STYK1: variants seen among roughly 807,000 people sequenced by gnomAD.
STYK1 encodes tyrosine-protein kinase STYK1.
STYK1 carries 46 observed loss-of-function variants against 48.1 expected under a neutral mutation model. That is an observed-to-expected ratio of 0.96 (90% confidence interval 0.75 to 1.22). STYK1 has a LOEUF of 1.22. Among genes scored for constraint, STYK1 ranks in the 50% most tolerant of loss-of-function variants. The pLI is 0.00. For missense variants in STYK1, 527 were observed against 521.1 expected (o/e 1.01, Z -0.11); for synonymous variants, 188 against 189.0 (o/e 0.99, Z 0.04).
chr12:10,663,272 C>G (rs1374383792), intron 1 of STYK1, among the ~76,000 whole-genome samples: 1 of 152,068 alleles, frequency 6.6e-6, no homozygotes, highest in Non-Finnish European at 1.5e-5. Context: ...TGCCACAGCA[C>G]CCAGCCCACA....
intron 1 of STYK1, among the ~76,000 whole-genome samples, chr12:10,637,398 C>T (rs1003371943): frequency 2.7e-4 from 39 of 145,736 alleles, no homozygotes; most frequent in Non-Finnish European, 4.5e-4. Flanking sequence ...AGTGCAGTGG[C>T]GTGATCTCTG....
At chr12:10,657,069 G>A (rs933120410) in intron 1 of STYK1, among the ~76,000 whole-genome samples, 12 of 102 alleles carry the variant, frequency 0.12, no homozygotes, top group East Asian at 0.31. Context: ...GGAAGATACT[G>A]GAAGTGTCCC....
At chr12:10,650,098 G>GGA (rs1215106677) in intron 1 of STYK1, among the ~76,000 whole-genome samples, 12 of 131,164 alleles carry the variant, frequency 9.1e-5, no homozygotes, top group East Asian at 4.4e-4. Flanking sequence ...GGCAACTGAG[G>GGA]GAGAGAGAGA....
intron 10 of STYK1, 74 bp downstream of exon 10, chr12:10,621,802 G>T: frequency 7.0e-7 from 1 of 1,418,626 alleles, no homozygotes; most frequent in Non-Finnish European, 9.9e-7. Context: ...TGAGCCCTTT[G>T]AAAAGGGCAC....
chr12:10,634,576 T>G lies in STYK1; in HGVS notation c.43A>C (p.Lys15Gln). The G allele has an allele frequency of 6.2e-7, 1 of 1,614,098 alleles. No individual in the cohort carries two copies. The highest frequency in any genetic ancestry group is 8.5e-7 in the Non-Finnish European group (1 of 1,179,994). ...RMLLECSLSD[K>Q]LCVIQEKQYE... ...TGGAATCCGTACTTACCACACAACTTGTCACTGAGACTGCATTCCAGGAGC... is the reference window on the plus strand; with the variant it reads ...TGGAATCCGTACTTACCACACAACTGGTCACTGAGACTGCATTCCAGGAGC... Residue 15 changes from lysine (K) to glutamine (Q), a missense_variant, in exon 3 of 11, where the codon AAG becomes CAG. By Grantham distance (53) the Lys-to-Gln change is moderately conservative (BLOSUM62 1). Coordinates refer to ENST00000075503, the MANE Select transcript of STYK1 (RefSeq NM_018423.3).
At position 10,628,604 on chromosome 12, in the gene STYK1, C is replaced by T. The variant is rs553499327; in HGVS notation, c.634-880G>A. On this transcript the variant is annotated intron_variant, in intron 6 of 10. Transcript: ENST00000075503. Reference sequence around the variant, plus strand: ...CCTTTCTCATACACATTCAGTTGTACAATAATCAGCATATGAAGGAGGCTC... The same window carrying T: ...CCTTTCTCATACACATTCAGTTGTATAATAATCAGCATATGAAGGAGGCTC... 4.6e-5 allele frequency among the ~76,000 whole-genome samples: 7 copies of T among 152,124 alleles called. No individual in the cohort carries two copies. In the South Asian group the frequency reaches 1.2e-3, roughly 27 times the overall value.
intron 10 of STYK1, 35 bp from the exon 11 acceptor site, chr12:10,620,383 C>A (rs557407419): frequency 6.2e-7 from 1 of 1,603,098 alleles, no homozygotes; most frequent in South Asian, 1.1e-5. Context: ...ACTTCCTTGA[C>A]AAGGCAAATG....
Position 10,619,762 on chromosome 12 carries a change from C to T in STYK1, c.*382G>A. ...CAACTCTTTTATTGGATTTCTATTC[C>T]TTCATTTCATTCCAAATTTTCATCT... On this transcript the variant is annotated 3_prime_UTR_variant, in exon 11 of 11. Coordinates refer to ENST00000075503, the MANE Select transcript of STYK1 (RefSeq NM_018423.3). The T allele has an allele frequency of 7.8e-6, 3 of 384,556 alleles. No homozygotes were observed. Among genetic ancestry groups the T allele is most frequent in the Non-Finnish European group, 9.2e-6 (2 of 217,042 alleles). 23.8% of individuals were successfully genotyped at this position (384,556 alleles called of 1,614,324 possible). A position where few individuals can be genotyped will look rare whatever the true frequency, so the allele number is the denominator to read the frequency against.
At chr12:10,625,838 A>G (rs1194514090) in intron 7 of STYK1, among the ~76,000 whole-genome samples, 1 of 152,162 alleles carries the variant, frequency 6.6e-6, no homozygotes, top group Non-Finnish European at 1.5e-5. Flanking sequence ...AATAAACCAA[A>G]ATGTAGGAAG....
chr12:10,632,761 T>G (rs771838137), intron 4 of STYK1, among the ~76,000 whole-genome samples: 4 of 152,170 alleles, frequency 2.6e-5, no homozygotes, highest in Non-Finnish European at 5.9e-5. Flanking sequence ...GCTTATGGAT[T>G]AGATACAGAC....
intron 1 of STYK1, among the ~76,000 whole-genome samples, chr12:10,660,084 T>C (rs949436720): frequency 2.0e-5 from 3 of 152,208 alleles, no homozygotes; most frequent in Non-Finnish European, 4.4e-5. Context: ...TGACCACATA[T>C]CATCTTGGTT....
Position 10,631,165 on chromosome 12 carries a change from C to T in STYK1, c.331G>A (p.Glu111Lys), listed in dbSNP as rs1947423697. The T allele has an allele frequency of 3.7e-6, 6 of 1,614,044 alleles. No homozygotes were observed. The highest frequency in any genetic ancestry group is 5.1e-6 in the Non-Finnish European group (6 of 1,180,038). Residue 111 changes from glutamate (E) to lysine (K), a missense_variant, in exon 5 of 11, where the codon GAG becomes AAG. Coordinates refer to ENST00000075503, the MANE Select transcript of STYK1 (RefSeq NM_018423.3). ...PALAKLQVPREQLSEVLEQIC... is the reference protein window; with the variant it reads ...PALAKLQVPRKQLSEVLEQIC... Reference sequence around the variant, plus strand: ...TGCTCCAGAACTTCAGAGAGTTGCTCCCGCGGCACCTGCAGCTTAGCCAGG... The same window carrying T: ...TGCTCCAGAACTTCAGAGAGTTGCTTCCGCGGCACCTGCAGCTTAGCCAGG...
rs1034340696 is a variant in STYK1, at chr12:10,621,770, A to C, written c.1064+106T>G. 16 of 965,216 alleles carry C rather than the reference A, an allele frequency of 1.7e-5. No homozygotes were observed. In the Admixed American group the frequency reaches 2.2e-4, roughly 13 times the overall value. 59.8% of individuals were successfully genotyped at this position (965,216 alleles called of 1,614,324 possible). On this transcript the variant is annotated intron_variant, in intron 10 of 10. Coordinates refer to ENST00000075503, the MANE Select transcript of STYK1 (RefSeq NM_018423.3). ...TTGGTTAAAAGCTGTACATGGGTAC[A>C]TATACACAGGTGAGGATCATCTGAG...
intron 8 of STYK1, among the ~76,000 whole-genome samples, chr12:10,623,543 T>G (rs1292325762): frequency 1.3e-5 from 2 of 152,160 alleles, no homozygotes; most frequent in Non-Finnish European, 2.9e-5. Context: ...ATTAGGTATT[T>G]TATATATGGA....
intron 1 of STYK1, among the ~76,000 whole-genome samples, chr12:10,671,542 G>A (rs1339431832): frequency 6.6e-6 from 1 of 152,176 alleles, no homozygotes; most frequent in Non-Finnish European, 1.5e-5. Context: ...GCAGCCTCTA[G>A]AGACTGAAGG....
chr12:10,673,446 G>A (rs1042557606), intron 1 of STYK1: 1 of 152,144 alleles, frequency 6.6e-6, no homozygotes, highest in African/African-American at 2.4e-5. Context: ...AGCACATCAG[G>A]CTGTACACTT....
chr12:10,626,308 G>A (rs1193651265), intron 7 of STYK1, among the ~76,000 whole-genome samples: 2 of 152,074 alleles, frequency 1.3e-5, no homozygotes, highest in African/African-American at 2.4e-5. Context: ...CTGCAATTGC[G>A]GTTCTGAATA....
At chr12:10,644,185 G>A (rs1947575644) in intron 1 of STYK1, among the ~76,000 whole-genome samples, 4 of 152,218 alleles carry the variant, frequency 2.6e-5, no homozygotes, top group Non-Finnish European at 5.9e-5. Flanking sequence ...GGAACAGGGA[G>A]AAGGTGTGAC....
chr12:10,667,730 G>C (rs116913629), intron 1 of STYK1, among the ~76,000 whole-genome samples: 4,301 of 152,260 alleles, frequency 0.028, 79 homozygotes, highest in Non-Finnish European at 0.042. Context: ...GATTGAGATG[G>C]CTTTCAGGGA....
Sources: allele counts gnomAD v4.1 joint callset (sites outside exome capture counted in the v4.1 genomes callset), GRCh38; gene constraint gnomAD v4.1.1; transcripts MANE v1.5; gene names NCBI Gene and HGNC (gene_info 2026-07-23, HGNC 2026-07-21).